The following PAEP variants were observed in gnomAD, a reference collection of about 807,000 sequenced individuals.
The protein encoded by PAEP is progestagen associated endometrial protein.
PAEP carries 28 observed loss-of-function variants against 23.0 expected under a neutral mutation model. The observed-to-expected ratio is 1.22, with a 90% confidence interval of 0.90 to 1.67. PAEP has a LOEUF of 1.67. Among genes scored for constraint, PAEP ranks in the 40% most tolerant of loss-of-function variants. The pLI, the probability that PAEP is intolerant of heterozygous loss-of-function variation, is 0.00. For synonymous variants in PAEP, 103 were observed against 92.4 expected (o/e 1.12, Z -0.66); for missense variants, 209 against 226.4 (o/e 0.92, Z 0.49).
intron 2 of PAEP, 33 bp downstream of exon 2, chr9:135,562,466 G>A: frequency 6.2e-7 from 1 of 1,605,550 alleles, no homozygotes. Flanking sequence ...GGGCTGGGCG[G>A]GGGCTCAGTC....
chr9:135,564,514 G>GT (rs1320541782), intron 4 of PAEP, 160 bp downstream of exon 4: 13 of 981,530 alleles, frequency 1.3e-5, no homozygotes, highest in African/African-American at 8.8e-5. Context: ...TGTTTGCTTT[G>GT]TTTTTTTGAG....
chr9:135,563,279 T>C (rs1407450721), intron 3 of PAEP, among the ~76,000 whole-genome samples: 1 of 149,620 alleles, frequency 6.7e-6, no homozygotes, highest in African/African-American at 2.5e-5. Context: ...GGAGGGTAGG[T>C]GAACAGGTGG....
At chr9:135,565,227 C>T (rs1331409143) in intron 4 of PAEP, 183 bp from the exon 5 acceptor site, 2 of 607,242 alleles carry the variant, frequency 3.3e-6, no homozygotes, top group East Asian at 5.6e-5. Context: ...GGTCAGGGAA[C>T]CTGGAGGTGC....
intron 3 of PAEP, among the ~76,000 whole-genome samples, chr9:135,563,207 C>T (rs1053110091): frequency 2.0e-5 from 3 of 152,134 alleles, no homozygotes; most frequent in Non-Finnish European, 2.9e-5. Flanking sequence ...AGGCTGCAGG[C>T]GAGCAGGTGG....
chr9:135,562,571 C>A, intron 2 of PAEP, 138 bp downstream of exon 2: 1 of 1,152,508 alleles, frequency 8.7e-7, no homozygotes, highest in Non-Finnish European at 1.2e-6. Flanking sequence ...GTGGCCCTTC[C>A]ATGAGGGTGG....
rs1470452230 is a variant in PAEP at position 135,561,895 on chromosome 9, A to G, written c.94A>G (p.Lys32Glu). 6.4e-7 allele frequency: 1 copy of G among 1,561,036 alleles called. No homozygotes were observed. The highest frequency in any genetic ancestry group is 1.9e-5 in the Admixed American group (1 of 52,876). Residue 32 changes from lysine to glutamate, a missense_variant and splice_region_variant, in exon 1 of 7, where the codon AAG (lysine) becomes GAG (glutamate). Transcript: ENST00000479141. ...PQTKQDLELP[K>E]LAGTWHSMAM... is the part of the protein sequence containing the mutation. ...GACCAAGCAGGACCTGGAGCTCCCAAAGGTTTGAGGCTGGGGGAGCGGGCA... is the reference window on the plus strand; with the variant it reads ...GACCAAGCAGGACCTGGAGCTCCCAGAGGTTTGAGGCTGGGGGAGCGGGCA...
At chr9:135,565,107 A>G (rs139879538) in intron 4 of PAEP, among the ~76,000 whole-genome samples, 4 of 152,208 alleles carry the variant, frequency 2.6e-5, no homozygotes, top group Non-Finnish European at 4.4e-5. Context: ...GCACTGGGAG[A>G]GCCAGGCACT....
chr9:135,566,182 T>C (rs1236346410), intron 6 of PAEP: 3 of 210,532 alleles, frequency 1.4e-5, no homozygotes, highest in Non-Finnish European at 2.9e-5. Flanking sequence ...TTTTTTTTTC[T>C]TTTTTTAAGA....
At chr9:135,562,218 A>G in intron 1 of PAEP, 76 bp from the exon 2 acceptor site, 1 of 1,535,086 alleles carries the variant, frequency 6.5e-7, no homozygotes, top group African/African-American at 1.4e-5. Flanking sequence ...TCCCAGTTAG[A>G]CTCAGCCCCG....
intron 5 of PAEP, 114 bp downstream of exon 5, chr9:135,565,628 C>G: frequency 7.5e-7 from 1 of 1,331,918 alleles, no homozygotes; most frequent in Non-Finnish European, 1.1e-6. Flanking sequence ...TGGCCCCTCC[C>G]CTGTTCTCCC....
In PAEP at chr9:135,564,320, C is replaced by A. The variant is rs1259452306; in HGVS notation, c.387C>A (p.Thr129=). Residue 129 remains threonine, a synonymous_variant, in exon 4 of 7, where the codon ACC becomes ACA. Coordinates refer to ENST00000479141, the MANE Select transcript of PAEP (RefSeq NM_002571.4). ...NFLFLCLQDT[T]TPIQSMMCQY... ...TGTTTCTCTGCCTACAGGACACCAC[C>A]ACCCCCATCCAGAGCATGATGTGCC... 1.3e-6 allele frequency: 2 copies of A among 1,551,370 alleles called. No homozygotes were observed. The highest frequency in any genetic ancestry group is 1.7e-6 in the Non-Finnish European group (2 of 1,147,390).
Position 135,566,561 on chromosome 9 carries a change from C to A in PAEP, c.*9C>A, listed in dbSNP as rs759734923. On this transcript the variant is annotated 3_prime_UTR_variant, in exon 7 of 7. Coordinates refer to ENST00000479141, the MANE Select transcript of PAEP (RefSeq NM_002571.4). ...ACCTGTAAACCCAACAGCTCACCTC[C>A]GCCTCCAGGAAGACCAGACTCCCAC... 1 of 154,964 alleles carries A rather than the reference C, an allele frequency of 6.5e-6. No homozygotes were observed. The highest frequency in any genetic ancestry group is 1.5e-5 in the Non-Finnish European group (1 of 68,342). 9.6% of individuals were successfully genotyped at this position (154,964 alleles called of 1,614,324 possible).
chr9:135,564,114 C>A, intron 3 of PAEP, 130 bp from the exon 4 acceptor site: 1 of 1,399,730 alleles, frequency 7.1e-7, no homozygotes, highest in Non-Finnish European at 9.6e-7. Flanking sequence ...TGGTCCACAG[C>A]AGGGGCCACG....
At position 135,562,882 on chromosome 9, in the gene PAEP, T is replaced by C; in HGVS notation, c.299T>C (p.Phe100Ser). ...GAGAAGACTGAGAATCCAAAGAAGT[T>C]CAAGATCAACTGTGAGTGTCCCCAG... Reference protein sequence around the residue: ...LGEKTENPKKFKINYTVANEA... With the variant: ...LGEKTENPKKSKINYTVANEA... Residue 100 changes from phenylalanine to serine, a missense_variant, in exon 3 of 7, where the codon TTC (phenylalanine) becomes TCC (serine). Phe to Ser is a radical substitution (Grantham distance 155, BLOSUM62 -2). Coordinates refer to ENST00000479141, the MANE Select transcript of PAEP (RefSeq NM_002571.4). The C allele has an allele frequency of 6.2e-7, 1 of 1,613,490 alleles. No homozygotes were observed. Among genetic ancestry groups the C allele is most frequent in the South Asian group, 1.1e-5 (1 of 91,054 alleles).
chr9:135,564,594 C>T (rs1832491339), intron 4 of PAEP: 1 of 702,780 alleles, frequency 1.4e-6, no homozygotes, highest in African/African-American at 1.9e-5. Context: ...ACTTCTGCCT[C>T]CCAGATTCAA....
At position 135,564,265 on chromosome 9, in the gene PAEP, C is replaced by T. The variant is rs140662981; in HGVS notation, c.332C>T (p.Thr111Met). 6.4e-6 allele frequency: 10 copies of T among 1,553,180 alleles called. No individual in the cohort carries two copies. Among genetic ancestry groups the T allele is most frequent in the Middle Eastern group, 1.7e-4 (1 of 5,958 alleles). ...KINYTVANEA[T>M]LLDTDYDNFL... ...CCAGATACGGTGGCGAACGAGGCCA[C>T]GCTGCTCGATACTGACTACGACAAT... The change falls in exon 4 of 7, where the codon ACG (threonine) becomes ATG (methionine). Residue 111 changes from threonine (T) to methionine (M), a missense_variant. Transcript: ENST00000479141.
rs1282048019 is a variant in PAEP, at chr9:135,563,522, G to A, written c.310+629G>A. On this transcript the variant is annotated intron_variant, in intron 3 of 6. Coordinates refer to ENST00000479141, the MANE Select transcript of PAEP (RefSeq NM_002571.4). ...GGTAGGTGAACAGGTGGGCAGGTGG[G>A]CAGGTGGGCAGGTGGGCAGGTGGGC... 2.6e-4 allele frequency among the ~76,000 whole-genome samples: 39 copies of A among 150,410 alleles called. No individual in the cohort carries two copies. The East Asian group carries it at 3.0e-3, about 11-fold the overall frequency.
rs6537900 is a variant in PAEP, at chr9:135,561,828, C to T, written c.27C>T (p.Gly9=). ...TGCTGTGCCTCCTGCTCACCCTGGG[C>T]GTGGCCCTGGTCTGTGGTGTCCCGG... MLCLLLTL[G]VALVCGVPAM... The change falls in exon 1 of 7, where the codon GGC becomes GGT. Residue 9 remains glycine (G), a synonymous_variant. Coordinates refer to ENST00000479141, the MANE Select transcript of PAEP (RefSeq NM_002571.4). 3,624 of 1,558,280 alleles carry T rather than the reference C, an allele frequency of 2.3e-3. 82 individuals carry two copies. The African/African-American group carries it at 0.045, about 20-fold the overall frequency.
intron 3 of PAEP, 21 bp from the exon 4 acceptor site, chr9:135,564,223 G>T (rs1033493830): frequency 6.4e-7 from 1 of 1,551,838 alleles, no homozygotes; most frequent in Non-Finnish European, 8.7e-7. Context: ...CTTCCTTTTG[G>T]TTCTTCTCTT....
Sources: allele counts gnomAD v4.1 joint callset (sites outside exome capture counted in the v4.1 genomes callset), GRCh38; gene constraint gnomAD v4.1.1; transcripts MANE v1.5; gene names NCBI Gene and HGNC (gene_info 2026-07-23, HGNC 2026-07-21).